Variants in LIPC observed in about 807,000 individuals in gnomAD.
LIPC encodes hepatic triacylglycerol lipase.
A neutral mutation model predicts 50.7 loss-of-function variants in LIPC; 44 were observed. The ratio of observed to expected loss-of-function variants is 0.87; its 90% CI spans 0.68 to 1.11. The LOEUF is 1.11. Ranked by LOEUF, LIPC falls within the 50% of genes most tolerant of loss-of-function variation. The pLI, the probability that LIPC is intolerant of heterozygous loss-of-function variation, is 0.00. For missense variants in LIPC, 697 were observed against 648.2 expected, an observed-to-expected ratio of 1.08 and a Z score of -0.82; for synonymous variants, 271 against 256.4, an observed-to-expected ratio of 1.06 and a Z score of -0.54.
At chr15:58,568,112 T>C (rs1894448659) in intron 8 of LIPC, among the ~76,000 whole-genome samples, 1 of 152,200 alleles carries the variant, frequency 6.6e-6, no homozygotes, top group African/African-American at 2.4e-5. Context: ...CAAAATGGTA[T>C]CTCGGGCCAA....
chr15:58,523,609 T>A (rs78930750), intron 1 of LIPC, among the ~76,000 whole-genome samples: 1 of 336 alleles, frequency 3.0e-3, no homozygotes, highest in Non-Finnish European at 8.5e-3. Context: ...CAAGCTGGGA[T>A]TTTTTTTTTA....
chr15:58,512,995 G>T (rs551662839), intron 1 of LIPC, among the ~76,000 whole-genome samples: 1 of 151,784 alleles, frequency 6.6e-6, no homozygotes, highest in African/African-American at 2.4e-5. Context: ...CATAGAAAAG[G>T]AGACACAGAG....
chr15:58,566,565 G>A lies in LIPC; in HGVS notation c.1389-2151G>A, dbSNP rs1359706508. ...TCTACACTCGTAATATCGCTGCTAA[G>A]TGCAAGTGGGAAAAGAAGTAGGTTA... On this transcript the variant is annotated intron_variant, in intron 8 of 8. Coordinates refer to ENST00000299022, the MANE Select transcript of LIPC (RefSeq NM_000236.3). 5.3e-6 allele frequency: 3 copies of A among 565,464 alleles called. No individual in the cohort carries two copies. In the East Asian group the frequency reaches 4.4e-4, roughly 82 times the overall value. The allele number at this position is 565,464 out of a possible 1,614,324, so 35.0% of individuals were successfully genotyped here.
intron 1 of LIPC, among the ~76,000 whole-genome samples, chr15:58,474,803 CCTCCCAG>C (rs767478783): frequency 5.9e-5 from 9 of 152,122 alleles, no homozygotes; most frequent in Non-Finnish European, 8.8e-5. Flanking sequence ...CACTCATGGC[CCTCCCAG>C]CTGCCCCTGG....
At chr15:58,559,387 G>A (rs1054417082) in intron 6 of LIPC, among the ~76,000 whole-genome samples, 11 of 152,270 alleles carry the variant, frequency 7.2e-5, no homozygotes, top group Middle Eastern at 3.4e-3. Context: ...AGGATTCGTG[G>A]ATTAACCATT....
chr15:58,479,293 C>G (rs1385751051), intron 1 of LIPC, among the ~76,000 whole-genome samples: 1 of 152,166 alleles, frequency 6.6e-6, no homozygotes, highest in African/African-American at 2.4e-5. Context: ...ACTGTACAAA[C>G]AGTAGGAAAG....
At chr15:58,533,815 T>G (rs1484081623) in intron 1 of LIPC, among the ~76,000 whole-genome samples, 2 of 152,236 alleles carry the variant, frequency 1.3e-5, no homozygotes, top group Non-Finnish European at 2.9e-5. Context: ...ATATTCTTTA[T>G]TTTTTCAGCA....
chr15:58,454,043 A>C (rs1894016841), intron 1 of LIPC, among the ~76,000 whole-genome samples: 1 of 152,200 alleles, frequency 6.6e-6, no homozygotes, highest in Non-Finnish European at 1.5e-5. Flanking sequence ...CTATAAGGAA[A>C]CAGGCTCAGA....
intron 1 of LIPC, among the ~76,000 whole-genome samples, chr15:58,460,075 C>T (rs1167204622): frequency 2.6e-5 from 4 of 152,346 alleles, no homozygotes; most frequent in Non-Finnish European, 4.4e-5. Context: ...ACGGTGGTTA[C>T]GTCTGAGCAC....
chr15:58,511,817 G>A (rs1892338012), intron 1 of LIPC, among the ~76,000 whole-genome samples: 1 of 152,152 alleles, frequency 6.6e-6, no homozygotes, highest in African/African-American at 2.4e-5. Flanking sequence ...GTAGAGGGTT[G>A]TTCAAATATT....
chr15:58,441,058 C>T (rs1274153455), intron 1 of LIPC, among the ~76,000 whole-genome samples: 1 of 152,154 alleles, frequency 6.6e-6, no homozygotes, highest in Non-Finnish European at 1.5e-5. Context: ...AGACTTATCT[C>T]AGCCTGGCTA....
At chr15:58,474,856 A>G (rs1188003264) in intron 1 of LIPC, among the ~76,000 whole-genome samples, 9 of 152,110 alleles carry the variant, frequency 5.9e-5, no homozygotes, top group Admixed American at 1.3e-4. Flanking sequence ...GGCAAGTACA[A>G]CTAGCCAATG....
intron 6 of LIPC, among the ~76,000 whole-genome samples, chr15:58,551,277 T>G (rs973913401): frequency 2.0e-5 from 3 of 152,200 alleles, no homozygotes; most frequent in African/African-American, 7.2e-5. Flanking sequence ...CAAGCCACCC[T>G]GGGCATGGCT....
chr15:58,469,933 ATTT>A (rs11369488), intron 1 of LIPC, among the ~76,000 whole-genome samples: 2 of 138,366 alleles, frequency 1.4e-5, no homozygotes, highest in Admixed American at 7.3e-5. Flanking sequence ...TCTTCATGGA[ATTT>A]TTTTTTTTTT....
chr15:58,500,130 G>C (rs2140834892), intron 1 of LIPC, among the ~76,000 whole-genome samples: 1 of 152,264 alleles, frequency 6.6e-6, no homozygotes, highest in Middle Eastern at 3.4e-3. Flanking sequence ...CCCTCAGATG[G>C]TGAGGTTTAG....
Position 58,541,910 on chromosome 15 carries a change from C to A in LIPC, c.399C>A (p.Ala133=), listed in dbSNP as rs774346703. Residue 133 remains alanine (A), a synonymous_variant, in exon 3 of 9, where the codon GCC becomes GCA. Transcript: ENST00000299022. The stretch of plus-strand genomic sequence containing the variant: ...TGGCCCACGACCACTACACCATCGC[C>A]GTCCGCAACACCCGCCTTGTGGGCA... ...ITLAHDHYTI[A]VRNTRLVGKE... 1.2e-6 allele frequency: 2 copies of A among 1,611,910 alleles called. No individual in the cohort carries two copies. Among genetic ancestry groups the A allele is most frequent in the South Asian group, 2.2e-5 (2 of 90,972 alleles).
At chr15:58,436,622 T>C (rs1250518746) in intron 1 of LIPC, 4 of 424,298 alleles carry the variant, frequency 9.4e-6, no homozygotes, top group African/African-American at 4.0e-5. Flanking sequence ...AAATGATCCG[T>C]TCTGTGTGTC....
intron 1 of LIPC, among the ~76,000 whole-genome samples, chr15:58,444,577 CT>C (rs1422969381): frequency 1.3e-5 from 2 of 152,094 alleles, no homozygotes; most frequent in Non-Finnish European, 1.5e-5. Flanking sequence ...TGAGGCCTCT[CT>C]CCTTGTCTTC....
At chr15:58,436,716 G>A (rs1209411072) in intron 1 of LIPC, 11 of 456,280 alleles carry the variant, frequency 2.4e-5, no homozygotes, top group Middle Eastern at 3.3e-4. Context: ...GACCATGAGA[G>A]AGGAATGAGT....
Sources: allele counts gnomAD v4.1 joint callset (sites outside exome capture counted in the v4.1 genomes callset), GRCh38; gene constraint gnomAD v4.1.1; transcripts MANE v1.5; gene names NCBI Gene and HGNC (gene_info 2026-07-23, HGNC 2026-07-21).